Variants in RPAP3 observed in about 807,000 individuals in gnomAD.
RPAP3 encodes RNA polymerase II-associated protein 3.
A neutral mutation model predicts 88.8 loss-of-function variants in RPAP3; 58 were observed. The ratio of observed to expected loss-of-function variants is 0.65; its 90% CI spans 0.53 to 0.81. The LOEUF (loss-of-function observed/expected upper bound fraction) is 0.81, where lower values mean the gene tolerates loss of function less well. Among genes scored for constraint, RPAP3 ranks in the 40% least tolerant of loss-of-function variants. RPAP3 has a pLI of 0.00. For missense variants in RPAP3, 751 were observed against 764.3 expected (o/e 0.98, Z 0.20); for synonymous variants, 255 against 259.9 (o/e 0.98, Z 0.18).
At chr12:47,670,370 TA>T (rs1339521962) in intron 12 of RPAP3, 25 bp from the exon 13 acceptor site, 5 of 1,329,240 alleles carry the variant, frequency 3.8e-6, no homozygotes, top group Non-Finnish European at 5.3e-6. Flanking sequence ...ATCAATTCCT[TA>T]AATCAAAATA....
intron 16 of RPAP3, chr12:47,664,854 G>C (rs1279659432): frequency 1.3e-5 from 2 of 152,182 alleles, no homozygotes; most frequent in Non-Finnish European, 2.9e-5. Flanking sequence ...CTATTAGAGA[G>C]GGAGATATAA....
intron 9 of RPAP3, among the ~76,000 whole-genome samples, chr12:47,683,180 G>A (rs1410127179): frequency 6.6e-6 from 1 of 152,106 alleles, no homozygotes; most frequent in Non-Finnish European, 1.5e-5. Context: ...GAATTCCCCT[G>A]CCTGGACTCA....
chr12:47,702,076 A>G (rs918830933), intron 2 of RPAP3, among the ~76,000 whole-genome samples: 2 of 152,226 alleles, frequency 1.3e-5, no homozygotes, highest in African/African-American at 4.8e-5. Flanking sequence ...ATTAGTATAT[A>G]ACTACACATA....
chr12:47,686,460 A>G (rs1485203532), intron 9 of RPAP3, among the ~76,000 whole-genome samples: 1 of 151,976 alleles, frequency 6.6e-6, no homozygotes, highest in Non-Finnish European at 1.5e-5. Context: ...TAAAAGCGGG[A>G]AAATATTAAC....
At chr12:47,696,739 T>C (rs933478565) in intron 4 of RPAP3, among the ~76,000 whole-genome samples, 1 of 152,232 alleles carries the variant, frequency 6.6e-6, no homozygotes, top group African/African-American at 2.4e-5. Context: ...CTAATAACAT[T>C]TTCTTTTCTC....
At chr12:47,681,536 G>C (rs931679254) in intron 10 of RPAP3, among the ~76,000 whole-genome samples, 160 bp downstream of exon 10, 4 of 152,222 alleles carry the variant, frequency 2.6e-5, no homozygotes, top group African/African-American at 9.6e-5. Flanking sequence ...CATTGCGGAA[G>C]CTGCATTCCT....
rs1413995103 is a variant in RPAP3, at chr12:47,661,480, T to C, written c.*2025A>G. 6.6e-6 allele frequency: 1 copy of C among 152,198 alleles called. No homozygotes were observed. Among genetic ancestry groups the C allele is most frequent in the Admixed American group, 6.5e-5 (1 of 15,274 alleles). 9.4% of individuals were successfully genotyped at this position (152,198 alleles called of 1,614,324 possible). A position where few individuals can be genotyped will look rare whatever the true frequency, so the allele number is the denominator to read the frequency against. ...TTCTACAGATTTCAAAAACAAAGAA[T>C]AGAAAAGTAACTTGTCCAAGGCCCT... is the stretch of plus-strand genomic sequence containing the variant. On this transcript the variant is annotated 3_prime_UTR_variant, in exon 17 of 17. Coordinates refer to ENST00000005386, the MANE Select transcript of RPAP3 (RefSeq NM_024604.3).
Position 47,670,150 on chromosome 12 carries a change from T to A in RPAP3, c.1483A>T (p.Lys495Ter). The A allele has an allele frequency of 6.2e-7, 1 of 1,613,326 alleles. No individual in the cohort carries two copies. Among genetic ancestry groups the A allele is most frequent in the Non-Finnish European group, 8.5e-7 (1 of 1,179,296 alleles). Residue 495 changes from lysine (K) to a stop codon, truncating the protein, a stop_gained, in exon 13 of 17, where the codon AAA becomes TAA. Transcript: ENST00000005386. LOFTEE classifies it high-confidence loss of function. ...LFPTSDTPRA[K>*]VLKIEEVSDT... ...CTGACTTCTTCTATTTTCAATACTT[T>A]TGCTCTTGGAGTATCACTTGTGGGA...
At chr12:47,693,419 C>T (rs897390387) in intron 5 of RPAP3, among the ~76,000 whole-genome samples, 4 of 152,148 alleles carry the variant, frequency 2.6e-5, no homozygotes, top group Admixed American at 6.5e-5. Flanking sequence ...TGAAATACTG[C>T]AACAATTACC....
rs777790875 is a variant in RPAP3, at chr12:47,696,338, A to C, written c.483T>G (p.Asp161Glu). Residue 161 changes from aspartate (D) to glutamate (E), a missense_variant, in exon 5 of 17, where the codon GAT becomes GAG. Physicochemically the swap from Asp to Glu is conservative, Grantham distance 45. Coordinates refer to ENST00000005386, the MANE Select transcript of RPAP3 (RefSeq NM_024604.3). ...EAIDCYTKGM[D>E]ADPYNPVLPT... ...GCAACACGGGATTATATGGATCGGCATCCATGCCTTTTGTGTAGCAGTCAA... is the reference window on the plus strand; with the variant it reads ...GCAACACGGGATTATATGGATCGGCCTCCATGCCTTTTGTGTAGCAGTCAA... 2 of 1,602,022 alleles carry C rather than the reference A, an allele frequency of 1.2e-6. No individual in the cohort carries two copies. The highest frequency in any genetic ancestry group is 2.3e-5 in the South Asian group (2 of 88,442).
intron 4 of RPAP3, 56 bp downstream of exon 4, chr12:47,697,539 CAT>C (rs1565722977): frequency 1.7e-5 from 25 of 1,492,088 alleles, no homozygotes; most frequent in Middle Eastern, 3.6e-4. Flanking sequence ...TTACGATCCA[CAT>C]GATTTTCAAC....
Position 47,667,790 on chromosome 12 carries a change from T to G in RPAP3, c.1775A>C (p.Asn592Thr). 6.2e-7 allele frequency: 1 copy of G among 1,607,972 alleles called. No individual in the cohort carries two copies. The highest frequency in any genetic ancestry group is 8.5e-7 in the Non-Finnish European group (1 of 1,176,582). ...GTCATGCAGAATTTTAACGATCTGGTTGAATACATCTGGATCCAGATTTTT... is the reference window on the plus strand; with the variant it reads ...GTCATGCAGAATTTTAACGATCTGGGTGAATACATCTGGATCCAGATTTTT... ...FQKNLDPDVF[N>T]QIVKILHDFY... Residue 592 changes from asparagine (N) to threonine (T), a missense_variant, in exon 15 of 17, where the codon AAC becomes ACC. By Grantham distance (65) the Asn-to-Thr change is moderately conservative (BLOSUM62 0). Coordinates refer to ENST00000005386, the MANE Select transcript of RPAP3 (RefSeq NM_024604.3).
intron 10 of RPAP3, among the ~76,000 whole-genome samples, chr12:47,681,305 T>C (rs771770871): frequency 6.6e-5 from 10 of 152,164 alleles, no homozygotes; most frequent in Non-Finnish European, 1.5e-4. Flanking sequence ...AAATAAAGCC[T>C]TTTCTCAAAA....
rs143354069 is a variant in RPAP3 at position 47,663,212 on chromosome 12, T to G, written c.*293A>C. 37 of 209,236 alleles carry G rather than the reference T, an allele frequency of 1.8e-4. No individual in the cohort carries two copies. Among genetic ancestry groups the G allele is most frequent in the African/African-American group, 8.3e-4 (36 of 43,342 alleles). 13.0% of individuals were successfully genotyped at this position (209,236 alleles called of 1,614,324 possible). A position where few individuals can be genotyped will look rare whatever the true frequency, so the allele number is the denominator to read the frequency against. ...TGAAAATATAAAAATAATGTTACAT[T>G]TATGGGTCACTGAAGAATGTATCTA... On this transcript the variant is annotated 3_prime_UTR_variant, in exon 17 of 17. Transcript: ENST00000005386.
At chr12:47,697,856 C>T in intron 3 of RPAP3, 137 bp from the exon 4 acceptor site, 1 of 739,150 alleles carries the variant, frequency 1.4e-6, no homozygotes, top group Middle Eastern at 3.3e-4. Context: ...CAAAGCAACC[C>T]AAATCTCTCA....
chr12:47,704,030 T>G (rs1246192803), intron 1 of RPAP3, among the ~76,000 whole-genome samples: 4 of 152,198 alleles, frequency 2.6e-5, no homozygotes, highest in African/African-American at 9.7e-5. Flanking sequence ...TGAATTTGAG[T>G]GCTAATGGGG....
intron 16 of RPAP3, chr12:47,664,905 C>T (rs529805894): frequency 2.6e-5 from 4 of 152,052 alleles, no homozygotes; most frequent in African/African-American, 7.2e-5. Flanking sequence ...TAATATATTA[C>T]GAAGAGAAAT....
At chr12:47,671,860 T>C (rs898290002) in intron 12 of RPAP3, among the ~76,000 whole-genome samples, 1 of 152,134 alleles carries the variant, frequency 6.6e-6, no homozygotes, top group African/African-American at 2.4e-5. Flanking sequence ...AGTATGCTAG[T>C]AACAGGAGTA....
intron 5 of RPAP3, among the ~76,000 whole-genome samples, chr12:47,695,019 C>T (rs1440041902): frequency 2.0e-5 from 3 of 151,956 alleles, no homozygotes; most frequent in Non-Finnish European, 4.4e-5. Context: ...TTTTATGACC[C>T]AACACCAAGA....
Sources: gnomAD v4.1 joint callset for allele counts (sites outside exome capture counted in the v4.1 genomes callset) on GRCh38, gnomAD v4.1.1 for gene constraint, MANE v1.5 for transcripts, NCBI Gene and HGNC (gene_info 2026-07-23, HGNC 2026-07-21) for gene names.